The following CSMD1 variants were observed in gnomAD, a reference collection of about 807,000 sequenced individuals.
The protein encoded by CSMD1 is CUB and sushi domain-containing protein 1.
Under a neutral mutation model 417.5 loss-of-function variants are expected in CSMD1, and 213 were observed. The ratio of observed to expected loss-of-function variants is 0.51; its 90% CI spans 0.46 to 0.57. The LOEUF is 0.57. Among genes scored for constraint, CSMD1 ranks in the 20% least tolerant of loss-of-function variants. The probability of loss-of-function intolerance (pLI) is 0.00; values close to 1 mark genes in which losing one functional copy is unlikely to be tolerated. For missense variants in CSMD1, 6,923 were observed against 4,529.7 expected, an observed-to-expected ratio of 1.53 and a Z score of -15.17; for synonymous variants, 2,862 against 1,736.8, an observed-to-expected ratio of 1.65 and a Z score of -16.11.
At chr8:4,054,981 A>T (rs1426489061) in intron 3 of CSMD1, among the ~76,000 whole-genome samples, 3 of 152,190 alleles carry the variant, frequency 2.0e-5, no homozygotes, top group African/African-American at 7.2e-5. Flanking sequence ...TGCTTTTAAC[A>T]GCATACAAAG....
chr8:4,176,808 C>G (rs919381786), intron 3 of CSMD1, among the ~76,000 whole-genome samples: 1 of 147,860 alleles, frequency 6.8e-6, no homozygotes, highest in East Asian at 2.0e-4. Context: ...GACTTTAAAC[C>G]AACAACGATC....
intron 26 of CSMD1, among the ~76,000 whole-genome samples, chr8:3,279,795 G>C (rs1050371917): frequency 6.6e-6 from 1 of 152,122 alleles, no homozygotes; most frequent in East Asian, 1.9e-4. Flanking sequence ...AGAAATGCCA[G>C]ACCCTTATAA....
At chr8:3,916,555 T>G (rs1051634341) in intron 5 of CSMD1, among the ~76,000 whole-genome samples, 1 of 152,182 alleles carries the variant, frequency 6.6e-6, no homozygotes, top group Non-Finnish European at 1.5e-5. Context: ...TATCCGATTA[T>G]GTATGAAGTA....
chr8:3,175,389 A>C (rs530611055), intron 37 of CSMD1, among the ~76,000 whole-genome samples: 1 of 152,070 alleles, frequency 6.6e-6, no homozygotes, highest in Admixed American at 6.6e-5. Flanking sequence ...CAATTTTTCT[A>C]TCAGGATTTT....
chr8:4,281,740 GTC>G (rs886262472), intron 3 of CSMD1, among the ~76,000 whole-genome samples: 10 of 152,104 alleles, frequency 6.6e-5, no homozygotes, highest in African/African-American at 2.4e-4. Flanking sequence ...TCAATGTAAT[GTC>G]TCTACTTGTT....
intron 5 of CSMD1, among the ~76,000 whole-genome samples, chr8:3,886,585 T>C (rs1585141305): frequency 1.3e-5 from 2 of 152,318 alleles, no homozygotes; most frequent in Middle Eastern, 3.4e-3. Flanking sequence ...GAAAAGTTTA[T>C]TTTCCAAAGT....
At chr8:4,098,977 G>A (rs373576110) in intron 3 of CSMD1, among the ~76,000 whole-genome samples, 1 of 152,136 alleles carries the variant, frequency 6.6e-6, no homozygotes, top group East Asian at 1.9e-4. Context: ...AAAGAGGTAA[G>A]AATACACATG....
chr8:4,736,489 G>C (rs1046189268), intron 1 of CSMD1, among the ~76,000 whole-genome samples: 2 of 152,050 alleles, frequency 1.3e-5, no homozygotes, highest in African/African-American at 4.8e-5. Flanking sequence ...AACTAAAGAA[G>C]TCAGAACTCA....
At chr8:4,909,887 G>C (rs1805548575) in intron 1 of CSMD1, among the ~76,000 whole-genome samples, 2 of 152,168 alleles carry the variant, frequency 1.3e-5, no homozygotes. Context: ...TTTGGGGTTT[G>C]CCCAGCTTTT....
chr8:3,148,926 A>G (rs966369729), intron 40 of CSMD1, among the ~76,000 whole-genome samples: 5 of 152,198 alleles, frequency 3.3e-5, no homozygotes, highest in African/African-American at 1.2e-4. Context: ...ACCTACATCT[A>G]TTCTAAAAAG....
chr8:3,637,532 A>G (rs1331931184), intron 7 of CSMD1, among the ~76,000 whole-genome samples: 1 of 152,354 alleles, frequency 6.6e-6, no homozygotes, highest in African/African-American at 2.4e-5. Context: ...GACAAGAAGT[A>G]TACAAGAAAT....
At chr8:3,637,836 G>C (rs1429888488) in intron 7 of CSMD1, among the ~76,000 whole-genome samples, 3 of 152,122 alleles carry the variant, frequency 2.0e-5, no homozygotes, top group South Asian at 2.1e-4. Flanking sequence ...AGTATTTCTT[G>C]TGCTGTTCCT....
In CSMD1 at chr8:3,569,625, C is replaced by A. The variant is rs568156079; in HGVS notation, c.1344+5320G>T. 3.3e-5 allele frequency among the ~76,000 whole-genome samples: 5 copies of A among 152,280 alleles called. No homozygotes were observed. The South Asian group carries it at 8.3e-4, about 25-fold the overall frequency. On this transcript the variant is annotated intron_variant, in intron 10 of 69. Coordinates refer to ENST00000635120, the MANE Select transcript of CSMD1 (RefSeq NM_033225.6). ...TCTGGCAAGAGTCATTGCATGGAAACTTTATGTAACTGTTTCTCTTTTCTC... is the reference window on the plus strand; with the variant it reads ...TCTGGCAAGAGTCATTGCATGGAAAATTTATGTAACTGTTTCTCTTTTCTC...
At chr8:3,010,459 G>A (rs1347659645) in intron 52 of CSMD1, among the ~76,000 whole-genome samples, 1 of 152,086 alleles carries the variant, frequency 6.6e-6, no homozygotes, top group Non-Finnish European at 1.5e-5. Flanking sequence ...ATCAGTCCAG[G>A]CTCTTATGAC....
intron 3 of CSMD1, among the ~76,000 whole-genome samples, chr8:4,365,023 A>G (rs1801984538): frequency 6.6e-6 from 1 of 152,180 alleles, no homozygotes; most frequent in Non-Finnish European, 1.5e-5. Context: ...ATGATATTTT[A>G]TGAAATATGT....
chr8:3,519,010 A>C (rs1415482295), intron 10 of CSMD1, among the ~76,000 whole-genome samples: 2 of 152,176 alleles, frequency 1.3e-5, no homozygotes, highest in African/African-American at 2.4e-5. Flanking sequence ...TTTTTAAACA[A>C]TTTGCAAGCT....
intron 10 of CSMD1, among the ~76,000 whole-genome samples, chr8:3,542,429 G>T (rs181361052): frequency 6.6e-6 from 1 of 152,126 alleles, no homozygotes; most frequent in Non-Finnish European, 1.5e-5. Flanking sequence ...TCTACGATTG[G>T]ATGTGCGTTA....
intron 57 of CSMD1, among the ~76,000 whole-genome samples, chr8:2,968,063 T>C (rs1297668007): frequency 1.3e-5 from 2 of 152,170 alleles, no homozygotes; most frequent in African/African-American, 2.4e-5. Flanking sequence ...GGCATATGAG[T>C]TGGGATGTAT....
chr8:3,824,643 G>A (rs755578260), intron 5 of CSMD1, among the ~76,000 whole-genome samples: 1 of 152,152 alleles, frequency 6.6e-6, no homozygotes, highest in Non-Finnish European at 1.5e-5. Flanking sequence ...ATTACATGCT[G>A]AAATAGCATT....
Sources: allele counts gnomAD v4.1 joint callset (sites outside exome capture counted in the v4.1 genomes callset), GRCh38; gene constraint gnomAD v4.1.1; transcripts MANE v1.5; gene names NCBI Gene and HGNC (gene_info 2026-07-23, HGNC 2026-07-21).